ANTXR1: variants seen among roughly 807,000 people sequenced by gnomAD.
ANTXR1 encodes ANTXR cell adhesion molecule 1.
In ANTXR1, 19 loss-of-function variants were observed where a neutral mutation model predicts 78.1. That is an observed-to-expected ratio of 0.24 (90% CI 0.17 to 0.36). ANTXR1 has a LOEUF of 0.36. Ranked by LOEUF, ANTXR1 falls within the 10% of genes least tolerant of loss-of-function variation. ANTXR1 has a pLI of 1.00. For missense variants in ANTXR1, 518 were observed against 718.6 expected, an observed-to-expected ratio of 0.72 and a Z score of 3.19; for synonymous variants, 273 against 260.5, an observed-to-expected ratio of 1.05 and a Z score of -0.46.
intron 3 of ANTXR1, among the ~76,000 whole-genome samples, chr2:69,061,957 A>C (rs1021737988): frequency 4.6e-5 from 7 of 152,040 alleles, no homozygotes; most frequent in Admixed American, 1.3e-4. Context: ...CAGACAAAAT[A>C]AAATTCATAT....
chr2:69,194,980 C>T (rs1033772994), intron 17 of ANTXR1, among the ~76,000 whole-genome samples: 5 of 152,024 alleles, frequency 3.3e-5, no homozygotes, highest in Non-Finnish European at 5.9e-5. Context: ...CCATCCTGGC[C>T]AACATAGTGA....
chr2:69,162,919 T>A (rs1673723115), intron 13 of ANTXR1, among the ~76,000 whole-genome samples: 1 of 152,000 alleles, frequency 6.6e-6, no homozygotes, highest in Non-Finnish European at 1.5e-5. Flanking sequence ...AAATAATATA[T>A]TAGGTTGGCG....
At chr2:69,219,355 G>C (rs937086570) in intron 17 of ANTXR1, among the ~76,000 whole-genome samples, 1 of 139,662 alleles carries the variant, frequency 7.2e-6, no homozygotes, top group African/African-American at 2.6e-5. Flanking sequence ...TTTTAGCCTA[G>C]GTAACATCAC....
chr2:69,145,816 C>T (rs1470427525), intron 12 of ANTXR1: 1 of 988,856 alleles, frequency 1.0e-6, no homozygotes, highest in Non-Finnish European at 1.2e-6. Context: ...GGTTCTCTCC[C>T]ATTATAGGGC....
intron 12 of ANTXR1, among the ~76,000 whole-genome samples, chr2:69,145,130 A>C (rs1673185997): frequency 6.6e-6 from 1 of 152,178 alleles, no homozygotes; most frequent in Non-Finnish European, 1.5e-5. Flanking sequence ...GCCCAGAGTT[A>C]AATAGATTTA....
intron 12 of ANTXR1, among the ~76,000 whole-genome samples, chr2:69,138,627 T>A (rs554629847): frequency 6.6e-6 from 1 of 152,326 alleles, no homozygotes; most frequent in Admixed American, 6.5e-5. Context: ...AATTTATTTC[T>A]CCTCGAAAGA....
At chr2:69,224,550 T>A (rs6738487) in intron 17 of ANTXR1, among the ~76,000 whole-genome samples, 9,198 of 152,164 alleles carry the variant, frequency 0.06, 906 homozygotes, top group African/African-American at 0.2. Flanking sequence ...GTTTCAGAAC[T>A]TGGGCTTGCA....
chr2:69,182,591 T>G lies in ANTXR1; in HGVS notation c.1284T>G (p.Pro428=), dbSNP rs367778863. ...TGCCGGAGCAGGAATATGAATTCCC[T>G]GAGCCGCGAAATCTCAACAACAATA... The part of the protein sequence containing the change: ...VKMPEQEYEF[P]EPRNLNNNMR... The change falls in exon 16 of 18, where the codon CCT becomes CCG. Residue 428 remains proline, a synonymous_variant. Coordinates refer to ENST00000303714, the MANE Select transcript of ANTXR1 (RefSeq NM_032208.3). 1.4e-5 allele frequency: 22 copies of G among 1,614,132 alleles called. 1 individual carries two copies. The highest frequency in any genetic ancestry group is 8.3e-5 in the Admixed American group (5 of 60,010).
In ANTXR1 at chr2:69,245,756, G is replaced by A; in HGVS notation, c.*271G>A. 1 of 444,614 alleles carries A rather than the reference G, an allele frequency of 2.2e-6. No homozygotes were observed. The highest frequency in any genetic ancestry group is 4.0e-5 in the Admixed American group (1 of 24,814). 27.5% of individuals were successfully genotyped at this position (444,614 alleles called of 1,614,324 possible). ...GGTTCCAGAGACAGTGAAACTGCAA[G>A]ATGCTCTCAACAGGATTATGTCTCA... On this transcript the variant is annotated 3_prime_UTR_variant, in exon 18 of 18. Transcript: ENST00000303714.
intron 12 of ANTXR1, among the ~76,000 whole-genome samples, chr2:69,138,136 GA>G (rs1329971727): frequency 1.5e-4 from 22 of 151,416 alleles, no homozygotes; most frequent in Non-Finnish European, 2.2e-4. Flanking sequence ...AAAATTGGTA[GA>G]GGGGGGAAGG....
At position 69,154,847 on chromosome 2, in the gene ANTXR1, C is replaced by T. The variant is rs1673482621; in HGVS notation, c.1047+2583C>T. On this transcript the variant is annotated intron_variant, in intron 13 of 17. Coordinates refer to ENST00000303714, the MANE Select transcript of ANTXR1 (RefSeq NM_032208.3). Reference sequence around the variant, plus strand: ...CAAGGCCCCCACCCCCGCTGAGCCACACATTAACCCACAGTGGCTGGGTAT... The same window carrying T: ...CAAGGCCCCCACCCCCGCTGAGCCATACATTAACCCACAGTGGCTGGGTAT... Among the ~76,000 whole-genome samples the T allele has an allele frequency of 2.0e-5, 3 of 152,218 alleles. No homozygotes were observed. The South Asian group carries it at 6.2e-4, about 31-fold the overall frequency.
At chr2:69,182,077 A>C in intron 15 of ANTXR1, 196 bp downstream of exon 15, 2 of 622,480 alleles carry the variant, frequency 3.2e-6, no homozygotes, top group Admixed American at 4.9e-5. Flanking sequence ...GGGGATATGG[A>C]TTGTAAGGCA....
intron 12 of ANTXR1, among the ~76,000 whole-genome samples, chr2:69,147,271 G>A (rs1673256684): frequency 6.6e-6 from 1 of 152,200 alleles, no homozygotes; most frequent in South Asian, 2.1e-4. Flanking sequence ...GAACTATTTT[G>A]TGAATGAAGC....
chr2:69,025,756 G>A (rs887032441), intron 1 of ANTXR1, among the ~76,000 whole-genome samples: 1 of 152,196 alleles, frequency 6.6e-6, no homozygotes, highest in Admixed American at 6.5e-5. Context: ...AAAGTTCATT[G>A]TTAACAGAGT....
intron 10 of ANTXR1, among the ~76,000 whole-genome samples, chr2:69,114,139 A>C (rs925174779): frequency 2.6e-5 from 4 of 152,230 alleles, no homozygotes; most frequent in African/African-American, 9.6e-5. Flanking sequence ...TGCATGGAAA[A>C]ATTCTGAAAT....
At chr2:69,019,556 G>A (rs1417674404) in intron 1 of ANTXR1, among the ~76,000 whole-genome samples, 2 of 150,370 alleles carry the variant, frequency 1.3e-5, no homozygotes, top group Admixed American at 1.3e-4. Context: ...TTAAGTTCAG[G>A]GGTACATACA....
rs73934686 is a variant in ANTXR1 at position 69,118,668 on chromosome 2, A to G, written c.803-4349A>G. 5.7e-3 allele frequency among the ~76,000 whole-genome samples: 869 copies of G among 152,166 alleles called. 9 individuals carry two copies. The highest frequency in any genetic ancestry group is 0.019 in the African/African-American group (789 of 41,528). ...CTAGGAGTGGATCGCGGCCCCACAT[A>G]TGTCACGACACCACTGGCTTTGGCA... On this transcript the variant is annotated intron_variant, in intron 10 of 17. Coordinates refer to ENST00000303714, the MANE Select transcript of ANTXR1 (RefSeq NM_032208.3).
intron 11 of ANTXR1, among the ~76,000 whole-genome samples, 176 bp from the exon 12 acceptor site, chr2:69,124,389 G>C (rs958413473): frequency 2.6e-5 from 4 of 152,174 alleles, no homozygotes; most frequent in Non-Finnish European, 5.9e-5. Flanking sequence ...GGGCTATACA[G>C]ACTACCCCCG....
At chr2:69,235,598 G>T (rs181384561) in intron 17 of ANTXR1, among the ~76,000 whole-genome samples, 86 of 145,128 alleles carry the variant, frequency 5.9e-4, no homozygotes, top group African/African-American at 2.2e-3. Context: ...GTTGCAGTGA[G>T]CTGAGATCAC....
Sources: allele counts gnomAD v4.1 joint callset (sites outside exome capture counted in the v4.1 genomes callset), GRCh38; gene constraint gnomAD v4.1.1; transcripts MANE v1.5; gene names NCBI Gene and HGNC (gene_info 2026-07-23, HGNC 2026-07-21).